CDH13: variants seen among roughly 807,000 people sequenced by gnomAD.
CDH13 encodes the protein cadherin 13, also known as cadherin-13.
A neutral mutation model predicts 63.8 loss-of-function variants in CDH13; 24 were observed. The ratio of observed to expected loss-of-function variants is 0.38; its 90% CI spans 0.27 to 0.53. The LOEUF (loss-of-function observed/expected upper bound fraction) is 0.53, where lower values mean the gene tolerates loss of function less well. Among genes scored for constraint, CDH13 ranks in the 20% least tolerant of loss-of-function variants. The pLI, the probability that CDH13 is intolerant of heterozygous loss-of-function variation, is 0.85. For synonymous variants in CDH13, 503 were observed against 355.3 expected (o/e 1.42, Z -4.67); for missense variants, 1,049 against 903.1 (o/e 1.16, Z -2.07).
chr16:83,546,690 G>C (rs1427219816), intron 7 of CDH13, among the ~76,000 whole-genome samples: 1 of 152,102 alleles, frequency 6.6e-6, no homozygotes, highest in Non-Finnish European at 1.5e-5. Flanking sequence ...TGGAGAGAGG[G>C]TTGTGTTTAG....
intron 4 of CDH13, among the ~76,000 whole-genome samples, chr16:83,203,012 G>C (rs1448725978): frequency 6.6e-6 from 1 of 151,842 alleles, no homozygotes; most frequent in Non-Finnish European, 1.5e-5. Flanking sequence ...GATCACCTGA[G>C]GTCACAAGTT....
chr16:83,321,913 A>G (rs1022346119), intron 5 of CDH13, among the ~76,000 whole-genome samples: 7 of 152,152 alleles, frequency 4.6e-5, no homozygotes, highest in South Asian at 4.1e-4. Context: ...CTGTGTGACT[A>G]TCTTGGGGCC....
At chr16:83,744,399 C>G (rs1210820424) in intron 10 of CDH13, among the ~76,000 whole-genome samples, 1 of 152,220 alleles carries the variant, frequency 6.6e-6, no homozygotes, top group Middle Eastern at 3.2e-3. Flanking sequence ...AAATGAAAGC[C>G]TGGTGTTTTT....
At chr16:83,147,192 C>T (rs916522332) in intron 4 of CDH13, among the ~76,000 whole-genome samples, 1 of 152,148 alleles carries the variant, frequency 6.6e-6, no homozygotes, top group South Asian at 2.1e-4. Flanking sequence ...AACTGAGGGC[C>T]GTGATCAGAC....
At chr16:83,254,494 G>T (rs1905970058) in intron 5 of CDH13, among the ~76,000 whole-genome samples, 1 of 152,130 alleles carries the variant, frequency 6.6e-6, no homozygotes, top group Admixed American at 6.5e-5. Context: ...AGGCACGCAG[G>T]ATCAAATGTG....
intron 5 of CDH13, among the ~76,000 whole-genome samples, chr16:83,257,238 G>T (rs1276892896): frequency 6.6e-6 from 1 of 151,876 alleles, no homozygotes; most frequent in African/African-American, 2.4e-5. Context: ...ATATACACAG[G>T]CGAAGAGGAG....
At chr16:83,132,309 G>A (rs1414926219) in intron 4 of CDH13, among the ~76,000 whole-genome samples, 1 of 151,916 alleles carries the variant, frequency 6.6e-6, no homozygotes, top group Admixed American at 6.6e-5. Flanking sequence ...GTTGTCTAGG[G>A]TAACCCAGTA....
intron 4 of CDH13, among the ~76,000 whole-genome samples, chr16:83,183,681 G>C (rs1461046371): frequency 6.6e-6 from 1 of 152,180 alleles, no homozygotes; most frequent in Non-Finnish European, 1.5e-5. Context: ...CCTCCCTGAT[G>C]GGACGGCACC....
At chr16:82,747,975 T>G (rs1444772552) in intron 1 of CDH13, among the ~76,000 whole-genome samples, 2 of 152,234 alleles carry the variant, frequency 1.3e-5, no homozygotes, top group African/African-American at 2.4e-5. Context: ...CTGGAAAAGC[T>G]TGGGCTCAAC....
At chr16:83,526,648 G>A (rs1204991536) in intron 7 of CDH13, among the ~76,000 whole-genome samples, 4 of 152,188 alleles carry the variant, frequency 2.6e-5, no homozygotes, top group Non-Finnish European at 4.4e-5. Flanking sequence ...TCCGTGGCCC[G>A]GGGGCTGGCG....
chr16:83,323,132 A>G (rs569898810), intron 5 of CDH13, among the ~76,000 whole-genome samples: 21 of 150,822 alleles, frequency 1.4e-4, no homozygotes, highest in African/African-American at 4.9e-4. Context: ...ATTTAGGATT[A>G]GAATGAAGAC....
intron 10 of CDH13, among the ~76,000 whole-genome samples, chr16:83,686,117 G>A (rs1367406184): frequency 6.6e-6 from 1 of 152,156 alleles, no homozygotes; most frequent in Non-Finnish European, 1.5e-5. Context: ...ACACAAGCAG[G>A]GTTTACAGAG....
At chr16:83,775,871 G>C (rs1915076344) in intron 11 of CDH13, among the ~76,000 whole-genome samples, 1 of 152,090 alleles carries the variant, frequency 6.6e-6, no homozygotes. Context: ...GGAACAGAGG[G>C]GTGAGGGATT....
At chr16:83,713,560 C>A (rs753950782) in intron 10 of CDH13, among the ~76,000 whole-genome samples, 4 of 151,694 alleles carry the variant, frequency 2.6e-5, no homozygotes, top group Non-Finnish European at 5.9e-5. Flanking sequence ...AGACGTGTTT[C>A]TTTAACTTTA....
intron 2 of CDH13, among the ~76,000 whole-genome samples, chr16:82,869,616 A>C (rs2040274150): frequency 6.6e-6 from 1 of 152,198 alleles, no homozygotes; most frequent in South Asian, 2.1e-4. Flanking sequence ...AAACAGTGTG[A>C]TACTGGCATA....
In CDH13 at chr16:82,709,174, C is replaced by T. The variant is rs541631888; in HGVS notation, c.45+82037C>T. ...ACGAATGAAGATGAGTCTTTGAATA[C>T]GCCCTTAGCAGTTCTCAAAAACCAA... is the stretch of plus-strand genomic sequence containing the variant. On this transcript the variant is annotated intron_variant, in intron 1 of 13. Transcript: ENST00000567109. 1.2e-3 allele frequency among the ~76,000 whole-genome samples: 180 copies of T among 152,270 alleles called. 6 individuals are homozygous for T. In the South Asian group the frequency reaches 0.024, roughly 21 times the overall value.
rs139700007 is a variant in CDH13 at position 82,976,823 on chromosome 16, G to T, written c.158-55187G>T. The stretch of plus-strand genomic sequence containing the variant: ...CTGGAACTCAGCTAGCTAGCCAGGT[G>T]GTACTCGGAGTTGGCATTTCTGTTG... On this transcript the variant is annotated intron_variant, in intron 2 of 13. Transcript: ENST00000567109. 2.2e-3 allele frequency among the ~76,000 whole-genome samples: 337 copies of T among 152,256 alleles called. 3 individuals are homozygous for T. The highest frequency in any genetic ancestry group is 7.8e-3 in the African/African-American group (323 of 41,542).
intron 8 of CDH13, among the ~76,000 whole-genome samples, chr16:83,611,609 T>A (rs969684281): frequency 6.6e-6 from 1 of 152,072 alleles, no homozygotes; most frequent in African/African-American, 2.4e-5. Context: ...AATGATACTT[T>A]AATCATTGAT....
chr16:82,808,524 A>G (rs2037272860), intron 1 of CDH13, among the ~76,000 whole-genome samples: 1 of 152,202 alleles, frequency 6.6e-6, no homozygotes, highest in South Asian at 2.1e-4. Flanking sequence ...GCTCGTGAAC[A>G]CACATGAAAA....
Sources: gnomAD v4.1 joint callset for allele counts (sites outside exome capture counted in the v4.1 genomes callset) on GRCh38, gnomAD v4.1.1 for gene constraint, MANE v1.5 for transcripts, NCBI Gene and HGNC (gene_info 2026-07-23, HGNC 2026-07-21) for gene names.